Variants in EP400 observed in about 807,000 individuals in gnomAD.
EP400 encodes the protein E1A binding protein p400.
Under a neutral mutation model 354.1 loss-of-function variants are expected in EP400, and 105 were observed. The ratio of observed to expected loss-of-function variants is 0.30; its 90% confidence interval spans 0.25 to 0.35. EP400 has a LOEUF of 0.35. EP400 is among the 10% of genes least tolerant of loss of function. The pLI, the probability that EP400 is intolerant of heterozygous loss-of-function variation, is 1.00. For missense variants in EP400, 3,280 were observed against 4,121.0 expected (o/e 0.80, Z 5.59); for synonymous variants, 1,646 against 1,716.9 (o/e 0.96, Z 1.02).
At chr12:132,044,992 C>G in intron 37 of EP400, 39 bp downstream of exon 37, 1 of 1,608,336 alleles carries the variant, frequency 6.2e-7, no homozygotes, top group African/African-American at 1.3e-5. Context: ...TGGGGGGGCC[C>G]TGGCCTGCAG....
rs542023219 is a variant in EP400 at position 131,982,358 on chromosome 12, C to G, written c.1809C>G (p.Ile603Met). ...AGACTCAGCAGCCCAATGTTCCCAT[C>G]CCTGCACCGCCCAGCAGCCAACTCC... ...PVKTQQPNVP[I>M]PAPPSSQLPI... The change falls in exon 5 of 53, where the codon ATC becomes ATG. Residue 603 changes from isoleucine to methionine, a missense_variant. Physicochemically the swap from Ile to Met is conservative, Grantham distance 10. This residue lies in a region of EP400 where 800 missense variants were observed against 840.0 expected (regional missense o/e 0.95). Coordinates refer to ENST00000389561, the MANE Select transcript of EP400 (RefSeq NM_015409.5). The G allele has an allele frequency of 4.3e-6, 7 of 1,614,222 alleles. No homozygotes were observed. In the South Asian group the frequency reaches 7.7e-5, roughly 18 times the overall value.
chr12:132,046,046 T>A, intron 39 of EP400, 146 bp downstream of exon 39: 1 of 1,040,414 alleles, frequency 9.6e-7, no homozygotes, highest in Non-Finnish European at 1.4e-6. Context: ...CTTGGGCTCC[T>A]GGTGGACCCA....
intron 39 of EP400, 152 bp downstream of exon 39, chr12:132,046,052 AC>A: frequency 1.0e-6 from 1 of 988,510 alleles, no homozygotes; most frequent in African/African-American, 1.6e-5. Flanking sequence ...CTCCTGGTGG[AC>A]CCAGCGAGGT....
Position 132,006,152 on chromosome 12 carries a change from C to G in EP400, c.2976C>G (p.Asp992Glu). 7 of 1,614,202 alleles carry G rather than the reference C, an allele frequency of 4.3e-6. No homozygotes were observed. The highest frequency in any genetic ancestry group is 5.9e-6 in the Non-Finnish European group (7 of 1,180,038). The change falls in exon 14 of 53, where the codon GAC becomes GAG. Residue 992 changes from aspartate (D) to glutamate (E), a missense_variant. Physicochemically the swap from Asp to Glu is conservative, Grantham distance 45. Around this residue, in one of 20 missense-constraint regions of EP400, gnomAD observed 800 missense variants for 840.0 expected, o/e 0.95. Transcript: ENST00000389561. ...DCPGDRESRK[D>E]LVLIDSLFIM... is the part of the protein sequence containing the mutation. ...CAGGCGACAGGGAGAGTCGCAAGGA[C>G]TTGGTTCTCATCGACTCGCTTTTCA... is the stretch of plus-strand genomic sequence containing the variant.
chr12:132,067,567 A>G lies in EP400; in HGVS notation c.8874+81A>G. On this transcript the variant is annotated intron_variant, in intron 50 of 52. Transcript: ENST00000389561. This position sits in a 1 kb window ranked among gnomAD's most constrained non-coding sequence, Gnocchi z 5.3. ...CTGGAGGAGAGGGTCCTAAGCAGAC[A>G]AATCCCCATGTGGCGGCTCACGCTT... 6.5e-7 allele frequency: 1 copy of G among 1,537,104 alleles called. No individual in the cohort carries two copies. The highest frequency in any genetic ancestry group is 8.7e-7 in the Non-Finnish European group (1 of 1,144,884).
intron 21 of EP400, 54 bp from the exon 22 acceptor site, chr12:132,019,995 C>G (rs2136541520): frequency 6.9e-7 from 1 of 1,453,310 alleles, no homozygotes; most frequent in Non-Finnish European, 9.1e-7. Flanking sequence ...GGTGGCCTGT[C>G]CTCTCTGTGG....
chr12:132,011,430 G>C lies in EP400; in HGVS notation c.3305-68G>C, dbSNP rs1893760518. The C allele has an allele frequency of 1.9e-6, 3 of 1,579,118 alleles. No individual in the cohort carries two copies. The Admixed American group carries it at 5.5e-5, about 29-fold the overall frequency. On this transcript the variant is annotated intron_variant, in intron 15 of 52. Coordinates refer to ENST00000389561, the MANE Select transcript of EP400 (RefSeq NM_015409.5). ...CATACTGATGAAGCGTCTCTGGTCAGACACAGTGCTAGGTGCCTGGACATG... is the reference window on the plus strand; with the variant it reads ...CATACTGATGAAGCGTCTCTGGTCACACACAGTGCTAGGTGCCTGGACATG...
intron 45 of EP400, among the ~76,000 whole-genome samples, chr12:132,059,277 G>A (rs1835028351): frequency 6.6e-6 from 1 of 152,140 alleles, no homozygotes. Context: ...AACCTTTAGA[G>A]CAGGAGTGAA....
intron 15 of EP400, among the ~76,000 whole-genome samples, chr12:132,011,075 AGAC>A (rs2136530117): frequency 6.6e-6 from 1 of 152,382 alleles, no homozygotes. Context: ...AACACAGTTT[AGAC>A]GCCTGCTGTG....
chr12:131,990,199 A>G lies in EP400; in HGVS notation c.2550+95A>G. 1 of 1,462,544 alleles carries G rather than the reference A, an allele frequency of 6.8e-7. No homozygotes were observed. Among genetic ancestry groups the G allele is most frequent in the South Asian group, 1.4e-5 (1 of 73,164 alleles). The allele number at this position is 1,462,544 out of a possible 1,614,324, so 90.6% of individuals were successfully genotyped here. A position where few individuals can be genotyped will look rare whatever the true frequency, so the allele number is the denominator to read the frequency against. On this transcript the variant is annotated intron_variant, in intron 8 of 52. Coordinates refer to ENST00000389561, the MANE Select transcript of EP400 (RefSeq NM_015409.5). This position sits in a 1 kb window ranked among gnomAD's most constrained non-coding sequence, Gnocchi z 4.2. ...CCAGAGCTCGGGCACCTTGCTTAGG[A>G]AGCTTTCGAGCACCAGAGTCAGCAA...
At position 132,013,311 on chromosome 12, in the gene EP400, G is replaced by A; in HGVS notation, c.3611+133G>A. ...AGAATTGCTTTTCATCTTCATCCCAGCACATGGGCCAGAGAGCCCCAGAGC... is the reference window on the plus strand; with the variant it reads ...AGAATTGCTTTTCATCTTCATCCCAACACATGGGCCAGAGAGCCCCAGAGC... On this transcript the variant is annotated intron_variant, in intron 17 of 52. Coordinates refer to ENST00000389561, the MANE Select transcript of EP400 (RefSeq NM_015409.5). The surrounding 1 kb of genome is among the most constrained non-coding windows in gnomAD (Gnocchi z 4.5). 1 of 1,422,412 alleles carries A rather than the reference G, an allele frequency of 7.0e-7. No homozygotes were observed. Among genetic ancestry groups the A allele is most frequent in the South Asian group, 1.4e-5 (1 of 71,632 alleles). The allele number at this position is 1,422,412 out of a possible 1,614,324, so 88.1% of individuals were successfully genotyped here.
rs1895430288 is a variant in EP400, at chr12:132,054,881, G to T, written c.7729-93G>T. The T allele has an allele frequency of 7.6e-7, 1 of 1,323,968 alleles. No individual in the cohort carries two copies. The highest frequency in any genetic ancestry group is 1.2e-5 in the South Asian group (1 of 83,146). 82.0% of individuals were successfully genotyped at this position (1,323,968 alleles called of 1,614,324 possible). On this transcript the variant is annotated intron_variant, in intron 43 of 52. Coordinates refer to ENST00000389561, the MANE Select transcript of EP400 (RefSeq NM_015409.5). The surrounding 1 kb of genome is among the most constrained non-coding windows in gnomAD (Gnocchi z 4.0). Reference sequence around the variant, plus strand: ...TGGCTGTGTGAATGTCGTGGAGTTTGGATTTGATTCTGAATGAAGTGGAAG... The same window carrying T: ...TGGCTGTGTGAATGTCGTGGAGTTTTGATTTGATTCTGAATGAAGTGGAAG...
rs576363548 is a variant in EP400 at position 131,982,717 on chromosome 12, T to C, written c.1929+239T>C. ...TGGGTTTGGTGACTCACGCCTGTAA[T>C]CCCAGCCTTTGGGAGGCTGAGGCGG... On this transcript the variant is annotated intron_variant, in intron 5 of 52. Coordinates refer to ENST00000389561, the MANE Select transcript of EP400 (RefSeq NM_015409.5). Among the ~76,000 whole-genome samples, 13 of 152,298 alleles carry C rather than the reference T, an allele frequency of 8.5e-5. No homozygotes were observed. The South Asian group carries it at 2.1e-3, about 24-fold the overall frequency.
chr12:132,069,390 T>C (rs1896002896), intron 50 of EP400, 105 bp from the exon 51 acceptor site: 1 of 1,507,114 alleles, frequency 6.6e-7, no homozygotes, highest in Non-Finnish European at 9.0e-7. Context: ...GGAGGTAGGC[T>C]GGAAAGGGGC....
chr12:132,042,370 A>G (rs1348755095), intron 32 of EP400, among the ~76,000 whole-genome samples: 1 of 152,150 alleles, frequency 6.6e-6, no homozygotes, highest in African/African-American at 2.4e-5. Context: ...AACGCTGTGT[A>G]TTGATGAGCA....
At chr12:132,028,613 G>A (rs990682333) in intron 27 of EP400, among the ~76,000 whole-genome samples, 3 of 152,190 alleles carry the variant, frequency 2.0e-5, no homozygotes, top group Non-Finnish European at 4.4e-5. Context: ...AAAAATGATT[G>A]CATTAAAAGA....
chr12:132,001,044 A>G (rs1566180907), intron 12 of EP400, among the ~76,000 whole-genome samples: 1 of 152,098 alleles, frequency 6.6e-6, no homozygotes, highest in Non-Finnish European at 1.5e-5. Context: ...TTGACAATTT[A>G]TTGGTGTAGG....
chr12:132,020,761 T>TG (rs1487150583), intron 22 of EP400, among the ~76,000 whole-genome samples: 1 of 152,340 alleles, frequency 6.6e-6, no homozygotes, highest in Admixed American at 6.5e-5. Context: ...TCTGTTGATG[T>TG]TTTCTTTGTG....
rs117967129 is a variant in EP400 at position 132,019,662 on chromosome 12, G to A, written c.4278-387G>A. ...GGCAACAGTGAACCATCACTTGAAC[G>A]GCTGCTTGATCAGACTTTTGTCAAG... On this transcript the variant is annotated intron_variant, in intron 21 of 52. Transcript: ENST00000389561. Among the ~76,000 whole-genome samples the A allele has an allele frequency of 7.1e-3, 1,083 of 152,254 alleles. 34 individuals are homozygous for A. The South Asian group carries it at 0.093, about 13-fold the overall frequency.
Sources: allele counts gnomAD v4.1 joint callset (sites outside exome capture counted in the v4.1 genomes callset), GRCh38; gene constraint gnomAD v4.1.1; regional missense constraint gnomAD v4.1.1; non-coding constraint Gnocchi (gnomAD v3.1); transcripts MANE v1.5; gene names NCBI Gene and HGNC (gene_info 2026-07-23, HGNC 2026-07-21).